The following FREM1 variants were observed in gnomAD, a reference collection of about 807,000 sequenced individuals.
The protein encoded by FREM1 is FRAS1-related extracellular matrix protein 1.
Under a neutral mutation model 210.1 loss-of-function variants are expected in FREM1, and 220 were observed. The observed-to-expected ratio is 1.05, with a 90% CI of 0.94 to 1.17. The LOEUF (loss-of-function observed/expected upper bound fraction) is 1.17, where lower values mean the gene tolerates loss of function less well. Among genes scored for constraint, FREM1 ranks in the 50% most tolerant of loss-of-function variants. The pLI is 0.00. For missense variants in FREM1, 3,454 were observed against 2,675.5 expected (o/e 1.29, Z -6.42); for synonymous variants, 1,189 against 980.2 (o/e 1.21, Z -3.98).
At chr9:14,802,962 G>A (rs902668958) in intron 19 of FREM1, among the ~76,000 whole-genome samples, 7 of 151,880 alleles carry the variant, frequency 4.6e-5, no homozygotes, top group Non-Finnish European at 1.0e-4. Flanking sequence ...TTGAATTTGT[G>A]AAAACTTCCT....
chr9:14,902,248 G>C (rs925232040), intron 1 of FREM1, among the ~76,000 whole-genome samples: 7 of 152,128 alleles, frequency 4.6e-5, no homozygotes, highest in African/African-American at 1.4e-4. Flanking sequence ...TAACAATTCA[G>C]ACTTGATGCC....
At chr9:14,902,061 G>C (rs1009002650) in intron 1 of FREM1, among the ~76,000 whole-genome samples, 1 of 151,406 alleles carries the variant, frequency 6.6e-6, no homozygotes, top group Non-Finnish European at 1.5e-5. Context: ...TCTCAGGCTG[G>C]TCTCAAACTC....
chr9:14,847,510 G>A (rs1458820510), intron 7 of FREM1, among the ~76,000 whole-genome samples: 4 of 151,890 alleles, frequency 2.6e-5, no homozygotes, highest in African/African-American at 9.7e-5. Flanking sequence ...TCTGTGACTG[G>A]CAATAAGGGT....
intron 27 of FREM1, among the ~76,000 whole-genome samples, chr9:14,761,604 G>A (rs761243174): frequency 2.6e-5 from 4 of 152,158 alleles, no homozygotes; most frequent in Non-Finnish European, 5.9e-5. Context: ...GTGGTCAACC[G>A]TGATCTGAAA....
At chr9:14,904,912 G>A (rs768137133) in intron 1 of FREM1, among the ~76,000 whole-genome samples, 1 of 151,956 alleles carries the variant, frequency 6.6e-6, no homozygotes, top group Non-Finnish European at 1.5e-5. Context: ...TGTCCATTCT[G>A]TTCCATCTGC....
At chr9:14,870,551 T>G (rs1219865091) in intron 1 of FREM1, among the ~76,000 whole-genome samples, 2 of 152,120 alleles carry the variant, frequency 1.3e-5, no homozygotes, top group Non-Finnish European at 2.9e-5. Flanking sequence ...TGTCACACAC[T>G]TGGTAATATT....
chr9:14,894,466 T>C (rs12005454), intron 1 of FREM1, among the ~76,000 whole-genome samples: 16,717 of 152,214 alleles, frequency 0.11, 1,161 homozygotes, highest in East Asian at 0.26. Flanking sequence ...TAAATGCAGG[T>C]TTCTAATAAC....
At chr9:14,855,825 A>C (rs1026463757) in intron 5 of FREM1, among the ~76,000 whole-genome samples, 5 of 152,316 alleles carry the variant, frequency 3.3e-5, no homozygotes, top group African/African-American at 1.2e-4. Context: ...AGGCGTATTC[A>C]ATATAGTAAG....
At chr9:14,794,292 C>A (rs539578530) in intron 21 of FREM1, among the ~76,000 whole-genome samples, 2 of 152,266 alleles carry the variant, frequency 1.3e-5, no homozygotes, top group Admixed American at 6.5e-5. Context: ...GGGGCTCAAT[C>A]CTGCTGGGTA....
intron 35 of FREM1, among the ~76,000 whole-genome samples, chr9:14,740,543 A>G (rs920476269): frequency 1.3e-5 from 2 of 152,188 alleles, no homozygotes; most frequent in Non-Finnish European, 2.9e-5. Context: ...TACTTATAAC[A>G]ATTACTTATT....
At chr9:14,859,561 CTAAAGAT>C in intron 3 of FREM1, 77 bp from the exon 4 acceptor site, 1 of 1,282,674 alleles carries the variant, frequency 7.8e-7, no homozygotes, top group Non-Finnish European at 1.1e-6. Context: ...AGCTGGAAGA[CTAAAGAT>C]TGGCCTTCAC....
At chr9:14,762,347 A>C (rs2132311164) in intron 27 of FREM1, among the ~76,000 whole-genome samples, 1 of 152,340 alleles carries the variant, frequency 6.6e-6, no homozygotes, top group East Asian at 1.9e-4. Context: ...TTCTTCTGAG[A>C]ATTCATCCAT....
In FREM1 at chr9:14,747,276, G is replaced by A; in HGVS notation, c.5997C>T (p.His1999=). 2 of 1,612,492 alleles carry A rather than the reference G, an allele frequency of 1.2e-6. No homozygotes were observed. The highest frequency in any genetic ancestry group is 2.2e-5 in the East Asian group (1 of 44,858). The part of the protein sequence containing the change: ...ADKVESTTDS[H]FPRQDQLPSF... ...AAGATTTTCATACCTGTCTGGGGAA[G>A]TGTGAGTCAGTTGTGGATTCCACCT... The change falls in exon 33 of 37, where the codon CAC becomes CAT. Residue 1999 remains histidine, a synonymous_variant. Transcript: ENST00000380880.
At chr9:14,792,644 T>A (rs538325017) in intron 22 of FREM1, 99 bp downstream of exon 22, 2 of 895,630 alleles carry the variant, frequency 2.2e-6, no homozygotes, top group African/African-American at 1.7e-5. Context: ...GGCAAATATA[T>A]GTCTATCAGA....
At chr9:14,873,407 T>C (rs1025390612) in intron 1 of FREM1, among the ~76,000 whole-genome samples, 56 of 152,240 alleles carry the variant, frequency 3.7e-4, no homozygotes, top group Non-Finnish European at 7.1e-4. Flanking sequence ...GGAGGGTGTA[T>C]GTGTCGAGGA....
chr9:14,882,787 A>G (rs1835019095), intron 1 of FREM1, among the ~76,000 whole-genome samples: 1 of 151,346 alleles, frequency 6.6e-6, no homozygotes, highest in African/African-American at 2.4e-5. Context: ...TTATGAACAT[A>G]CTTTCCTCTT....
intron 10 of FREM1, among the ~76,000 whole-genome samples, chr9:14,825,325 G>T (rs1042216841): frequency 1.1e-4 from 17 of 150,766 alleles, no homozygotes; most frequent in African/African-American, 3.6e-4. Context: ...CCGTCTCTAC[G>T]AAAAATTCAA....
rs373349743 is a variant in FREM1, at chr9:14,842,530, G to T, written c.1524C>A (p.His508Gln). The change falls in exon 9 of 37, where the codon CAC becomes CAA. Residue 508 changes from histidine (H) to glutamine (Q), a missense_variant. Transcript: ENST00000380880. ...RIFDGHHSIR[H>Q]KFPINVLPKD... ...TGGGCAAGACGTTGATGGGGAATTTGTGACGGATGCTGTGATGGCCATCAA... is the reference window on the plus strand; with the variant it reads ...TGGGCAAGACGTTGATGGGGAATTTTTGACGGATGCTGTGATGGCCATCAA... 1.9e-6 allele frequency: 3 copies of T among 1,613,916 alleles called. No individual in the cohort carries two copies. Among genetic ancestry groups the T allele is most frequent in the Non-Finnish European group, 2.5e-6 (3 of 1,179,878 alleles).
At chr9:14,908,729 C>T (rs1056623973) in intron 1 of FREM1, among the ~76,000 whole-genome samples, 51 of 152,110 alleles carry the variant, frequency 3.4e-4, no homozygotes, top group Admixed American at 3.3e-3. Context: ...ATGTCAAGGA[C>T]AATGTAGAGC....
Sources: gnomAD v4.1 joint callset for allele counts (sites outside exome capture counted in the v4.1 genomes callset) on GRCh38, gnomAD v4.1.1 for gene constraint, MANE v1.5 for transcripts, NCBI Gene and HGNC (gene_info 2026-07-23, HGNC 2026-07-21) for gene names.